Variants in LOXHD1 observed in about 807,000 individuals in gnomAD.
The protein encoded by LOXHD1 is lipoxygenase homology domain-containing protein 1.
LOXHD1 carries 205 observed loss-of-function variants against 248.2 expected under a neutral mutation model. The observed-to-expected ratio is 0.83, with a 90% CI of 0.74 to 0.93. LOXHD1 has a LOEUF of 0.93. LOXHD1 is among the 40% of genes least tolerant of loss of function. LOXHD1 has a pLI of 0.00. For synonymous variants in LOXHD1, 1,113 were observed against 1,162.8 expected (o/e 0.96, Z 0.87); for missense variants, 2,930 against 2,971.6 (o/e 0.99, Z 0.33).
In LOXHD1 at chr18:46,560,222, CTCCTCTTCT is replaced by C. The variant is rs753461629; in HGVS notation, c.2913_2921del (p.Glu976_Glu978del). The stretch of plus-strand genomic sequence containing the variant: ...TCCCCGGCCCAAACTCCTCCTCTTC[CTCCTCTTCT>C]TCCATCTCCTCCTCCTCTGACGAGG... On this transcript the variant is annotated inframe_deletion, in exon 19 of 41. Coordinates refer to ENST00000642948, the MANE Select transcript of LOXHD1 (RefSeq NM_001384474.1). 1.4e-4 allele frequency: 218 copies of C among 1,551,910 alleles called. 2 individuals carry two copies. The South Asian group carries it at 1.9e-3, about 14-fold the overall frequency.
chr18:46,610,681 A>C, intron 6 of LOXHD1, 95 bp downstream of exon 6: 1 of 1,390,076 alleles, frequency 7.2e-7, no homozygotes, highest in Non-Finnish European at 9.6e-7. Context: ...AGATGGACCT[A>C]GAGAGGAAAG....
chr18:46,549,894 G>A (rs867129712), intron 21 of LOXHD1, among the ~76,000 whole-genome samples: 1 of 152,206 alleles, frequency 6.6e-6, no homozygotes, highest in African/African-American at 2.4e-5. Flanking sequence ...CATCAAATGT[G>A]GATGAAACCC....
chr18:46,562,665 T>A (rs1019066771), intron 18 of LOXHD1, among the ~76,000 whole-genome samples: 3 of 152,150 alleles, frequency 2.0e-5, no homozygotes, highest in African/African-American at 7.2e-5. Flanking sequence ...AGCCTTAGTG[T>A]CATCTTTTGC....
At chr18:46,560,609 C>T (rs1399971853) in intron 18 of LOXHD1, 64 bp from the exon 19 acceptor site, 6 of 1,411,744 alleles carry the variant, frequency 4.3e-6, no homozygotes, top group Non-Finnish European at 5.6e-6. Context: ...CCCCAACACC[C>T]CCGCCCAACA....
chr18:46,497,928 G>A (rs1450015844), intron 37 of LOXHD1, among the ~76,000 whole-genome samples: 1 of 152,112 alleles, frequency 6.6e-6, no homozygotes, highest in Non-Finnish European at 1.5e-5. Context: ...TGGGAGTTAG[G>A]TCACAAGGCA....
Position 46,656,984 on chromosome 18 carries a change from G to T in LOXHD1, c.50C>A (p.Ala17Asp). The T allele has an allele frequency of 6.4e-7, 1 of 1,551,646 alleles. No individual in the cohort carries two copies. Among genetic ancestry groups the T allele is most frequent in the East Asian group, 2.4e-5 (1 of 40,910 alleles). The stretch of plus-strand genomic sequence containing the variant: ...GTTCAGCAGCTCCGCTTCGTACAGG[G>T]CCAGGAAGTCGATGTCCTTCTTCCT... ...RRRKKDIDFL[A>D]LYEAELLNYA... The change falls in exon 1 of 41, where the codon GCC becomes GAC. Residue 17 changes from alanine (A) to aspartate (D), a missense_variant. By Grantham distance (126) the Ala-to-Asp change is moderately radical. Transcript: ENST00000642948.
At chr18:46,623,783 G>A (rs893900134) in intron 4 of LOXHD1, among the ~76,000 whole-genome samples, 12 of 152,224 alleles carry the variant, frequency 7.9e-5, no homozygotes, top group African/African-American at 2.4e-4. Flanking sequence ...GCTCTGTCTG[G>A]AACAGTCAGC....
intron 7 of LOXHD1, chr18:46,601,771 G>T: frequency 2.6e-6 from 1 of 382,346 alleles, no homozygotes; most frequent in Non-Finnish European, 5.0e-6. Context: ...GGTTGGCTAA[G>T]AATAGTACTT....
At chr18:46,549,240 G>A (rs148602301) in intron 21 of LOXHD1, among the ~76,000 whole-genome samples, 4 of 152,186 alleles carry the variant, frequency 2.6e-5, no homozygotes, top group Non-Finnish European at 5.9e-5. Flanking sequence ...CCTAAACAAG[G>A]ATGATGGAAG....
At chr18:46,547,135 G>T in intron 21 of LOXHD1, 77 bp from the exon 22 acceptor site, 1 of 1,504,874 alleles carries the variant, frequency 6.6e-7, no homozygotes. Context: ...GGCTGAGAAT[G>T]AGAGGCCCTC....
Position 46,569,467 on chromosome 18 carries a change from G to A in LOXHD1, c.2219C>T (p.Thr740Ile). Residue 740 changes from threonine (T) to isoleucine (I), a missense_variant, in exon 16 of 41, where the codon ACC (threonine) becomes ATC (isoleucine). Coordinates refer to ENST00000642948, the MANE Select transcript of LOXHD1 (RefSeq NM_001384474.1). Reference sequence around the variant, plus strand: ...ATTTCCAATGTTCAGGGTCTCGAGGGTGAACTCATCCACCCGGCCACGTTC... The same window carrying A: ...ATTTCCAATGTTCAGGGTCTCGAGGATGAACTCATCCACCCGGCCACGTTC... ...YFERGRVDEFTLETLNIGNIN... is the reference protein window; with the variant it reads ...YFERGRVDEFILETLNIGNIN... The A allele has an allele frequency of 1.3e-6, 2 of 1,552,200 alleles. No homozygotes were observed. The highest frequency in any genetic ancestry group is 2.4e-5 in the East Asian group (1 of 40,926).
intron 16 of LOXHD1, among the ~76,000 whole-genome samples, chr18:46,567,950 A>G (rs997564147): frequency 6.6e-6 from 1 of 152,196 alleles, no homozygotes; most frequent in Non-Finnish European, 1.5e-5. Flanking sequence ...CTAGAGGTCT[A>G]ACTTACCCGC....
intron 5 of LOXHD1, among the ~76,000 whole-genome samples, chr18:46,613,816 A>T (rs2038543730): frequency 6.6e-6 from 1 of 152,210 alleles, no homozygotes; most frequent in Non-Finnish European, 1.5e-5. Flanking sequence ...ATCCGTTACT[A>T]TAATAAATTA....
At chr18:46,526,025 TG>T (rs2035812314) in intron 29 of LOXHD1, among the ~76,000 whole-genome samples, 1 of 152,116 alleles carries the variant, frequency 6.6e-6, no homozygotes, top group Admixed American at 6.5e-5. Flanking sequence ...GGAAAGACCA[TG>T]GCCAAGGCAG....
chr18:46,641,328 G>T (rs7232964), intron 3 of LOXHD1, among the ~76,000 whole-genome samples: 12,913 of 152,216 alleles, frequency 0.085, 637 homozygotes, highest in African/African-American at 0.13. Context: ...TTGAATAGGG[G>T]TGGATGGCAG....
intron 20 of LOXHD1, among the ~76,000 whole-genome samples, chr18:46,558,443 T>C (rs1194495782): frequency 6.6e-6 from 1 of 152,206 alleles, no homozygotes; most frequent in Non-Finnish European, 1.5e-5. Context: ...GCACAAGTTA[T>C]GTAGTCCTCT....
Position 46,506,099 on chromosome 18 carries a change from G to A in LOXHD1, c.5693-76C>T, listed in dbSNP as rs149598385. 25,968 of 1,481,380 alleles carry A rather than the reference G, an allele frequency of 0.018. 394 individuals are homozygous for A. Among genetic ancestry groups the A allele is most frequent in the South Asian group, 0.066 (5,120 of 77,130 alleles). The allele number at this position is 1,481,380 out of a possible 1,614,324, so 91.8% of individuals were successfully genotyped here. A position where few individuals can be genotyped will look rare whatever the true frequency, so the allele number is the denominator to read the frequency against. ...GTCCTCTTGCTCTGGCCTTGATCCCGGACTCCTCAGAGGAGTCAGGGGTAC... is the reference window on the plus strand; with the variant it reads ...GTCCTCTTGCTCTGGCCTTGATCCCAGACTCCTCAGAGGAGTCAGGGGTAC... On this transcript the variant is annotated intron_variant, in intron 36 of 40. Transcript: ENST00000642948.
At chr18:46,530,562 G>T (rs796147451) in intron 28 of LOXHD1, among the ~76,000 whole-genome samples, 3 of 152,290 alleles carry the variant, frequency 2.0e-5, no homozygotes, top group African/African-American at 7.2e-5. Context: ...TGAGCCTCAG[G>T]ATTCCTAGAA....
chr18:46,606,339 T>TAC (rs1243662867), intron 6 of LOXHD1, among the ~76,000 whole-genome samples: 87 of 139,914 alleles, frequency 6.2e-4, no homozygotes, highest in Admixed American at 1.4e-3. Context: ...ACTGTATATA[T>TAC]ATACACACAC....
Sources: gnomAD v4.1 joint callset for allele counts (sites outside exome capture counted in the v4.1 genomes callset) on GRCh38, gnomAD v4.1.1 for gene constraint, MANE v1.5 for transcripts, NCBI Gene and HGNC (gene_info 2026-07-23, HGNC 2026-07-21) for gene names.